The following ENOX2 variants were observed in gnomAD, a reference collection of about 807,000 sequenced individuals.
ENOX2 encodes APK1 antigen.
A neutral mutation model predicts 45.0 loss-of-function variants in ENOX2; 36 were observed. The observed-to-expected ratio is 0.80, with a 90% CI of 0.61 to 1.06. ENOX2 has a LOEUF of 1.06. Ranked by LOEUF, ENOX2 falls within the 50% of genes least tolerant of loss-of-function variation. The pLI, the probability that ENOX2 is intolerant of heterozygous loss-of-function variation, is 0.00. For synonymous variants in ENOX2, 174 were observed against 152.3 expected, an observed-to-expected ratio of 1.14 and a Z score of -1.05; for missense variants, 423 against 462.5, an observed-to-expected ratio of 0.91 and a Z score of 0.78.
rs1603286102 is a variant in ENOX2, at chrX:130,624,011, G to A, written c.*1303C>T. The A allele has an allele frequency of 1.8e-5, 2 of 111,557 alleles. No homozygotes were observed. The highest frequency in any genetic ancestry group is 3.8e-5 in the Non-Finnish European group (2 of 53,213). The allele number at this position is 111,557 out of a possible 1,213,427, so 9.2% of individuals were successfully genotyped here. ...ACTCTCCATTGGCTTTGCTTGCTCA[G>A]TACATTCTTTTATCTTCAATTGAGA... On this transcript the variant is annotated 3_prime_UTR_variant, in exon 15 of 15. Coordinates refer to ENST00000394363, the MANE Select transcript of ENOX2 (RefSeq NM_006375.4).
chrX:130,888,302 G>A (rs1463658256), intron 2 of ENOX2, among the ~76,000 whole-genome samples: 2 of 111,914 alleles, frequency 1.8e-5, no homozygotes. Context: ...ATTTTTAGAC[G>A]GATTTTAAAA....
Position 130,631,589 on chromosome X carries a change from C to A in ENOX2, c.1420-13G>T. ...AAGCACAGCTTTCCTGTGGACACAA[C>A]ATGCTTCTAGGTCAGTTCACTTTAT... is the stretch of plus-strand genomic sequence containing the variant. On this transcript the variant is annotated splice_polypyrimidine_tract_variant and intron_variant, in intron 12 of 14. Coordinates refer to ENST00000394363, the MANE Select transcript of ENOX2 (RefSeq NM_006375.4). 9.5e-7 allele frequency: 1 copy of A among 1,047,966 alleles called. No homozygotes were observed. Among genetic ancestry groups the A allele is most frequent in the Non-Finnish European group, 1.3e-6 (1 of 746,718 alleles). The allele number at this position is 1,047,966 out of a possible 1,213,427, so 86.4% of individuals were successfully genotyped here.
intron 6 of ENOX2, among the ~76,000 whole-genome samples, chrX:130,675,068 G>T (rs1196929521): frequency 9.5e-6 from 1 of 105,266 alleles, no homozygotes; most frequent in Non-Finnish European, 1.9e-5. Flanking sequence ...GAATAGTGCC[G>T]CAATAAACAT....
rs770305906 is a variant in ENOX2, at chrX:130,667,753, T to A, written c.695-11A>T. ...AGAATTTGGAATCATCTGAAAAAAATATATTTTTATAACCAACAAAGGTAA... is the reference window on the plus strand; with the variant it reads ...AGAATTTGGAATCATCTGAAAAAAAAATATTTTTATAACCAACAAAGGTAA... On this transcript the variant is annotated splice_polypyrimidine_tract_variant and intron_variant, in intron 7 of 14. Coordinates refer to ENST00000394363, the MANE Select transcript of ENOX2 (RefSeq NM_006375.4). 6 of 1,159,795 alleles carry A rather than the reference T, an allele frequency of 5.2e-6. No individual in the cohort carries two copies. The highest frequency in any genetic ancestry group is 7.0e-6 in the Non-Finnish European group (6 of 853,368).
intron 5 of ENOX2, among the ~76,000 whole-genome samples, chrX:130,685,321 C>CT (rs1429141347): frequency 2.7e-5 from 3 of 111,389 alleles, no homozygotes; most frequent in Admixed American, 1.9e-4. Flanking sequence ...ATTAAAAGGA[C>CT]TTTAGTCTCT....
intron 10 of ENOX2, among the ~76,000 whole-genome samples, chrX:130,653,317 A>G (rs1297955720): frequency 8.9e-6 from 1 of 112,071 alleles, no homozygotes; most frequent in African/African-American, 3.2e-5. Flanking sequence ...TTTAAAATGT[A>G]TAATTCATGT....
chrX:130,877,556 A>C (rs767238558), intron 2 of ENOX2, among the ~76,000 whole-genome samples: 1 of 112,112 alleles, frequency 8.9e-6, no homozygotes, highest in Non-Finnish European at 1.9e-5. Context: ...TGCCATAAGA[A>C]ACTGGCACTC....
intron 10 of ENOX2, among the ~76,000 whole-genome samples, chrX:130,642,096 A>G (rs2036106023): frequency 1.8e-5 from 2 of 112,356 alleles, no homozygotes; most frequent in African/African-American, 6.5e-5. Flanking sequence ...CCTCTGATGG[A>G]TCTGTGTAAA....
intron 3 of ENOX2, among the ~76,000 whole-genome samples, chrX:130,729,901 C>T (rs1048618820): frequency 1.8e-5 from 2 of 112,140 alleles, no homozygotes; most frequent in African/African-American, 6.5e-5. Flanking sequence ...GAGGCTTCCA[C>T]GTGGTCCTCC....
intron 7 of ENOX2, among the ~76,000 whole-genome samples, chrX:130,669,310 G>A (rs1302991805): frequency 8.9e-6 from 1 of 112,362 alleles, no homozygotes; most frequent in Non-Finnish European, 1.9e-5. Context: ...TTAACAAAAT[G>A]GCTGAGAGTC....
intron 2 of ENOX2, among the ~76,000 whole-genome samples, chrX:130,788,417 T>C (rs1423184988): frequency 8.9e-6 from 1 of 111,762 alleles, no homozygotes; most frequent in Non-Finnish European, 1.9e-5. Context: ...AGAAATTTTA[T>C]CTATAGAATT....
intron 3 of ENOX2, among the ~76,000 whole-genome samples, chrX:130,776,281 TACA>T (rs1273526839): frequency 1.8e-5 from 2 of 112,006 alleles, no homozygotes; most frequent in African/African-American, 6.5e-5. Context: ...GACGAAGTTA[TACA>T]ACAAAGTTTA....
At position 130,758,413 on chromosome X, in the gene ENOX2, C is replaced by A. The variant is rs1358783285; in HGVS notation, c.-39+25134G>T. Among the ~76,000 whole-genome samples the A allele has an allele frequency of 2.7e-5, 3 of 112,302 alleles. No individual in the cohort carries two copies. The East Asian group carries it at 8.3e-4, about 31-fold the overall frequency. ...GCTTGGCTTTTCACTCAGCATAATTCTCTGGAAATTCATCGATGTTGTTGC... is the reference window on the plus strand; with the variant it reads ...GCTTGGCTTTTCACTCAGCATAATTATCTGGAAATTCATCGATGTTGTTGC... On this transcript the variant is annotated intron_variant, in intron 3 of 14. Coordinates refer to ENST00000394363, the MANE Select transcript of ENOX2 (RefSeq NM_006375.4).
chrX:130,718,956 G>T (rs1046821278), intron 3 of ENOX2, among the ~76,000 whole-genome samples: 1 of 111,916 alleles, frequency 8.9e-6, no homozygotes, highest in Non-Finnish European at 1.9e-5. Flanking sequence ...GGACAGTGCA[G>T]GTTGGTAACT....
chrX:130,745,124 G>T (rs1380648586), intron 3 of ENOX2, among the ~76,000 whole-genome samples: 1 of 111,573 alleles, frequency 9.0e-6, no homozygotes, highest in Non-Finnish European at 1.9e-5. Flanking sequence ...GAAGATTGAA[G>T]AGTATTACCA....
chrX:130,889,015 T>C (rs1443331885), intron 2 of ENOX2, among the ~76,000 whole-genome samples: 2 of 111,513 alleles, frequency 1.8e-5, no homozygotes, highest in African/African-American at 6.5e-5. Context: ...GGATTCAAGG[T>C]GATTAACTAA....
chrX:130,744,155 T>G (rs2039046616), intron 3 of ENOX2, among the ~76,000 whole-genome samples: 1 of 112,157 alleles, frequency 8.9e-6, no homozygotes, highest in African/African-American at 3.2e-5. Flanking sequence ...AATATTCAAA[T>G]ACAGGCTAGA....
chrX:130,825,670 A>G (rs1230838250), intron 2 of ENOX2, among the ~76,000 whole-genome samples: 1 of 111,419 alleles, frequency 9.0e-6, no homozygotes, highest in Non-Finnish European at 1.9e-5. Flanking sequence ...GAGTAGCACA[A>G]TTGAATCTCA....
At chrX:130,795,602 G>GT (rs1192627595) in intron 2 of ENOX2, among the ~76,000 whole-genome samples, 1 of 111,368 alleles carries the variant, frequency 9.0e-6, no homozygotes, top group African/African-American at 3.3e-5. Flanking sequence ...TAATATGATA[G>GT]TTTTTTTTCC....
Sources: allele counts gnomAD v4.1 joint callset (sites outside exome capture counted in the v4.1 genomes callset), GRCh38; gene constraint gnomAD v4.1.1; transcripts MANE v1.5; gene names NCBI Gene and HGNC (gene_info 2026-07-23, HGNC 2026-07-21).